The following ANO5 variants were observed in gnomAD, a reference collection of about 807,000 sequenced individuals.
The protein encoded by ANO5 is anoctamin 5.
In ANO5, 109 loss-of-function variants were observed where a neutral mutation model predicts 121.0. The observed-to-expected ratio is 0.90, with a 90% CI of 0.77 to 1.06. The LOEUF is 1.06. ANO5 is among the 50% of genes least tolerant of loss of function. The pLI, the probability that ANO5 is intolerant of heterozygous loss-of-function variation, is 0.00. For missense variants in ANO5, 1,064 were observed against 1,078.5 expected (o/e 0.99, Z 0.19); for synonymous variants, 406 against 359.9 (o/e 1.13, Z -1.45).
intron 17 of ANO5, among the ~76,000 whole-genome samples, chr11:22,264,491 A>C (rs1854299311): frequency 6.6e-6 from 1 of 152,056 alleles, no homozygotes; most frequent in Non-Finnish European, 1.5e-5. Context: ...AAAAACAAGC[A>C]AATTAACAAC....
chr11:22,267,525 A>ATATATATATATTTAT lies in ANO5; in HGVS notation c.1899-2787_1899-2786insTATATATATATTTAT, dbSNP rs1239852095. On this transcript the variant is annotated intron_variant, in intron 17 of 21. Transcript: ENST00000324559. ...ATCTACAATTATATATATATATATAAAATCTATCTACAATTATACCAAGTG... is the reference window on the plus strand; with the variant it reads ...ATCTACAATTATATATATATATATAATATATATATATTTATAATCTATCTACAATTATACCAAGTG... Among the ~76,000 whole-genome samples the ATATATATATATTTAT allele has an allele frequency of 1.4e-5, 2 of 139,984 alleles. 1 individual carries two copies. The highest frequency in any genetic ancestry group is 6.3e-5 in the African/African-American group (2 of 31,808). 91.8% of individuals were successfully genotyped at this position (139,984 alleles called of 152,430 possible).
intron 9 of ANO5, among the ~76,000 whole-genome samples, chr11:22,240,348 A>G (rs961540611): frequency 6.6e-6 from 1 of 152,030 alleles, no homozygotes; most frequent in Non-Finnish European, 1.5e-5. Flanking sequence ...TCAATGAACT[A>G]TTAGATTAGA....
chr11:22,242,964 T>G (rs1233485671), intron 9 of ANO5, among the ~76,000 whole-genome samples: 2 of 152,044 alleles, frequency 1.3e-5, no homozygotes, highest in African/African-American at 2.4e-5. Context: ...AGAGTGGGCA[T>G]CTTTGTTTTA....
At chr11:22,197,489 A>G (rs1316975108) in intron 1 of ANO5, among the ~76,000 whole-genome samples, 1 of 152,128 alleles carries the variant, frequency 6.6e-6, no homozygotes, top group East Asian at 1.9e-4. Context: ...ACAGTTTGAG[A>G]CTTTAGCATT....
rs1590203200 is a variant in ANO5 at position 22,193,670 on chromosome 11, G to T, written c.40+138G>T. On this transcript the variant is annotated intron_variant, in intron 1 of 21. Transcript: ENST00000324559. ...GGAGGTTCGCTGCGTGGCGTGCTCA[G>T]CGCGAAACCGGGACTGCGGGGCAGA... The T allele has an allele frequency of 3.4e-6, 4 of 1,161,192 alleles. No homozygotes were observed. The East Asian group carries it at 1.0e-4, about 30-fold the overall frequency. The allele number at this position is 1,161,192 out of a possible 1,614,324, so 71.9% of individuals were successfully genotyped here. A position where few individuals can be genotyped will look rare whatever the true frequency, so the allele number is the denominator to read the frequency against.
chr11:22,227,883 G>T (rs1008820216), intron 7 of ANO5, among the ~76,000 whole-genome samples: 3 of 152,042 alleles, frequency 2.0e-5, no homozygotes, highest in Non-Finnish European at 4.4e-5. Context: ...CTTTGATTTT[G>T]TAAGATCTTT....
rs770320815 is a variant in ANO5 at position 22,259,717 on chromosome 11, A to T, written c.1606A>T (p.Ile536Leu). The change falls in exon 15 of 22, where the codon ATA becomes TTA. Residue 536 changes from isoleucine (I) to leucine (L), a missense_variant. By Grantham distance (5) the Ile-to-Leu change is conservative. Transcript: ENST00000324559. ...ILILNFFYEKISAWITKMEIP... is the reference protein window; with the variant it reads ...ILILNFFYEKLSAWITKMEIP... ...GATCTTGAATTTCTTTTATGAAAAGATATCTGCCTGGATCACAAAAATGGG... is the reference window on the plus strand; with the variant it reads ...GATCTTGAATTTCTTTTATGAAAAGTTATCTGCCTGGATCACAAAAATGGG... 2.5e-6 allele frequency: 4 copies of T among 1,613,724 alleles called. No homozygotes were observed. Among genetic ancestry groups the T allele is most frequent in the East Asian group, 2.2e-5 (1 of 44,844 alleles).
intron 1 of ANO5, among the ~76,000 whole-genome samples, chr11:22,201,320 C>A (rs891095751): frequency 9.9e-5 from 15 of 152,168 alleles, no homozygotes; most frequent in South Asian, 2.1e-4. Flanking sequence ...AGAAACTTAT[C>A]TTCTTTTGCG....
chr11:22,227,660 C>T, intron 7 of ANO5, 74 bp downstream of exon 7: 9 of 1,553,474 alleles, frequency 5.8e-6, no homozygotes, highest in Middle Eastern at 1.7e-4. Flanking sequence ...TATACATGTG[C>T]AGATGTCGTA....
chr11:22,280,943 C>G lies in ANO5; in HGVS notation c.*1178C>G, dbSNP rs1226311747. 6.6e-6 allele frequency: 1 copy of G among 151,860 alleles called. No homozygotes were observed. 9.4% of individuals were successfully genotyped at this position (151,860 alleles called of 1,614,324 possible). ...TCTTGAAAACCAAAAGTGAATCAACCAACTAAGAATGAGTTCATGGACTTA... is the reference window on the plus strand; with the variant it reads ...TCTTGAAAACCAAAAGTGAATCAACGAACTAAGAATGAGTTCATGGACTTA... On this transcript the variant is annotated 3_prime_UTR_variant, in exon 22 of 22. Coordinates refer to ENST00000324559, the MANE Select transcript of ANO5 (RefSeq NM_213599.3).
At chr11:22,230,062 T>C (rs925667442) in intron 7 of ANO5, among the ~76,000 whole-genome samples, 1 of 152,024 alleles carries the variant, frequency 6.6e-6, no homozygotes, top group East Asian at 1.9e-4. Context: ...TTTGTTTATA[T>C]ATACACCAAT....
At chr11:22,233,244 C>T (rs577271332) in intron 7 of ANO5, among the ~76,000 whole-genome samples, 15 of 151,566 alleles carry the variant, frequency 9.9e-5, no homozygotes, top group Non-Finnish European at 1.8e-4. Flanking sequence ...GTGATTACTC[C>T]GAGAAAACAT....
chr11:22,256,772 T>C (rs1184485786), intron 13 of ANO5, among the ~76,000 whole-genome samples: 1 of 152,124 alleles, frequency 6.6e-6, no homozygotes, highest in Non-Finnish European at 1.5e-5. Flanking sequence ...TTGCAGTGCT[T>C]CCTCAGTGTT....
chr11:22,226,066 A>G lies in ANO5; in HGVS notation c.363+14A>G. On this transcript the variant is annotated intron_variant, in intron 6 of 21. Transcript: ENST00000324559. ...GAAGACAAAAGGGTAAATGTAGTTG[A>G]TAATTTATACAAGCCTCTTTAATTT... 2 of 1,579,980 alleles carry G rather than the reference A, an allele frequency of 1.3e-6. No homozygotes were observed. Among genetic ancestry groups the G allele is most frequent in the Non-Finnish European group, 1.7e-6 (2 of 1,150,028 alleles).
At chr11:22,226,736 C>CA (rs1180543159) in intron 6 of ANO5, among the ~76,000 whole-genome samples, 1 of 151,976 alleles carries the variant, frequency 6.6e-6, no homozygotes, top group African/African-American at 2.4e-5. Context: ...AAAACAGAAG[C>CA]ATTACTCTCT....
At chr11:22,201,962 G>A (rs1851978354) in intron 1 of ANO5, among the ~76,000 whole-genome samples, 1 of 152,102 alleles carries the variant, frequency 6.6e-6, no homozygotes, top group African/African-American at 2.4e-5. Flanking sequence ...CTCAAAGAGG[G>A]AGAATGGAAC....
chr11:22,227,339 A>G lies in ANO5; in HGVS notation c.401A>G (p.His134Arg), dbSNP rs1460833999. The G allele has an allele frequency of 3.7e-6, 6 of 1,613,276 alleles. No homozygotes were observed. The highest frequency in any genetic ancestry group is 5.1e-6 in the Non-Finnish European group (6 of 1,179,704). ...EDGRTYFVKI[H>R]APWEVLVTYA... ...GGAAGAACTTATTTTGTCAAGATCC[A>G]TGCCCCTTGGGAGGTATTAGTTACC... Residue 134 changes from histidine (H) to arginine (R), a missense_variant, in exon 7 of 22, where the codon CAT becomes CGT. Transcript: ENST00000324559.
intron 12 of ANO5, 147 bp downstream of exon 12, chr11:22,251,158 G>T: frequency 2.5e-6 from 2 of 810,104 alleles, no homozygotes; most frequent in Non-Finnish European, 4.1e-6. Context: ...TACTGATGGA[G>T]TGCATATTAG....
At chr11:22,196,722 A>T (rs905169267) in intron 1 of ANO5, among the ~76,000 whole-genome samples, 1 of 152,122 alleles carries the variant, frequency 6.6e-6, no homozygotes, top group African/African-American at 2.4e-5. Flanking sequence ...TACAAAAATT[A>T]GCTGGGTGTG....
Sources: gnomAD v4.1 joint callset for allele counts (sites outside exome capture counted in the v4.1 genomes callset) on GRCh38, gnomAD v4.1.1 for gene constraint, MANE v1.5 for transcripts, NCBI Gene and HGNC (gene_info 2026-07-23, HGNC 2026-07-21) for gene names.